The following TKTL1 variants were observed in gnomAD, a reference collection of about 807,000 sequenced individuals.
TKTL1 encodes the protein transketolase-like protein 1.
TKTL1 carries 1 observed loss-of-function variant against 39.3 expected under a neutral mutation model. That is an observed-to-expected ratio of 0.03 (90% CI 0.01 to 0.12). TKTL1 has a LOEUF of 0.12. Among genes scored for constraint, TKTL1 ranks in the 10% least tolerant of loss-of-function variants. The pLI, the probability that TKTL1 is intolerant of heterozygous loss-of-function variation, is 1.00. For synonymous variants in TKTL1, 262 were observed against 193.8 expected, an observed-to-expected ratio of 1.35 and a Z score of -2.92; for missense variants, 575 against 509.6, an observed-to-expected ratio of 1.13 and a Z score of -1.24.
chrX:154,329,863 T>G lies in TKTL1; in HGVS notation c.*175T>G. On this transcript the variant is annotated 3_prime_UTR_variant, in exon 13 of 13. Transcript: ENST00000369915. ...AACTACTTACCCTTTAAACTGTCACTGCATATGCAAGTACCGCTCTAATTT... is the reference window on the plus strand; with the variant it reads ...AACTACTTACCCTTTAAACTGTCACGGCATATGCAAGTACCGCTCTAATTT... 2.1e-6 allele frequency: 1 copy of G among 477,263 alleles called. No individual in the cohort carries two copies. Among genetic ancestry groups the G allele is most frequent in the Non-Finnish European group, 3.4e-6 (1 of 296,586 alleles). 39.3% of individuals were successfully genotyped at this position (477,263 alleles called of 1,213,427 possible).
At chrX:154,312,894 A>G (rs1459505854) in intron 6 of TKTL1, 121 bp downstream of exon 6, 2 of 664,742 alleles carry the variant, frequency 3.0e-6, no homozygotes, top group African/African-American at 2.2e-5. Flanking sequence ...ACCAATTACT[A>G]GAGTGACATG....
chrX:154,315,138 A>G (rs1217234608), intron 6 of TKTL1, 35 bp from the exon 7 acceptor site: 3 of 1,184,761 alleles, frequency 2.5e-6, no homozygotes, highest in Non-Finnish European at 3.4e-6. Flanking sequence ...ATGCATTTGA[A>G]GAAACTCTAC....
chrX:154,312,776 A>G lies in TKTL1; in HGVS notation c.864+3A>G. On this transcript the variant is annotated splice_donor_region_variant and intron_variant, in intron 6 of 12. Transcript: ENST00000369915. ...CTGATTACAGAGTTGGTGACAAGGTAGGCAGAAAGGTGGATAATTGAATAA... is the reference window on the plus strand; with the variant it reads ...CTGATTACAGAGTTGGTGACAAGGTGGGCAGAAAGGTGGATAATTGAATAA... 8.4e-7 allele frequency: 1 copy of G among 1,195,573 alleles called. No individual in the cohort carries two copies. Among genetic ancestry groups the G allele is most frequent in the Non-Finnish European group, 1.1e-6 (1 of 885,129 alleles).
chrX:154,318,470 C>A (rs1352666799), intron 7 of TKTL1, among the ~76,000 whole-genome samples: 17 of 105,932 alleles, frequency 1.6e-4, no homozygotes, highest in African/African-American at 5.9e-4. Flanking sequence ...GAGGCCGAGG[C>A]GGACGGATCA....
chrX:154,310,783 G>A, intron 3 of TKTL1, 53 bp from the exon 4 acceptor site: 1 of 1,070,877 alleles, frequency 9.3e-7, no homozygotes, highest in African/African-American at 1.8e-5. Flanking sequence ...CATTTGTTTG[G>A]TTGGCCCAGA....
chrX:154,312,908 C>T, intron 6 of TKTL1, 135 bp downstream of exon 6: 1 of 607,177 alleles, frequency 1.6e-6, no homozygotes, highest in Non-Finnish European at 2.5e-6. Flanking sequence ...TGACATGTAA[C>T]TAACAGTTCG....
At chrX:154,312,817 T>C (rs373427488) in intron 6 of TKTL1, 44 bp downstream of exon 6, 32 of 1,115,843 alleles carry the variant, frequency 2.9e-5, no homozygotes, top group Non-Finnish European at 3.6e-5. Context: ...ATACGTCAAC[T>C]GCTTTGTTCT....
intron 8 of TKTL1, 78 bp from the exon 9 acceptor site, chrX:154,323,129 T>A: frequency 1.7e-6 from 2 of 1,149,555 alleles, no homozygotes; most frequent in South Asian, 4.0e-5. Context: ...TAATTGCTTC[T>A]TCAGAGCTAG....
chrX:154,315,336 T>C lies in TKTL1; in HGVS notation c.1028T>C (p.Met343Thr), dbSNP rs782048391. The change falls in exon 7 of 13, where the codon ATG becomes ACG. Residue 343 changes from methionine to threonine, a missense_variant and splice_region_variant. Met to Thr is a moderately conservative substitution (Grantham distance 81). Transcript: ENST00000369915. The part of the protein sequence containing the change: ...FIECFMAEQN[M>T]VSVALGCASR... ...GAGTGCTTTATGGCTGAACAAAACA[T>C]GGTGAGTGTGTAGTGTCTCTCAGGG... 1.7e-6 allele frequency: 2 copies of C among 1,204,949 alleles called. No individual in the cohort carries two copies. Among genetic ancestry groups the C allele is most frequent in the Non-Finnish European group, 2.2e-6 (2 of 892,201 alleles).
intron 1 of TKTL1, among the ~76,000 whole-genome samples, chrX:154,298,003 G>GT (rs1220546389): frequency 9.0e-5 from 10 of 111,058 alleles, no homozygotes; most frequent in East Asian, 2.8e-4. Flanking sequence ...TTTATTGGGC[G>GT]TTTTTTTTAT....
chrX:154,315,487 A>T, intron 7 of TKTL1, 150 bp downstream of exon 7: 1 of 558,412 alleles, frequency 1.8e-6, no homozygotes, highest in Admixed American at 3.7e-5. Flanking sequence ...AGCCAGGTGG[A>T]GTCTGAGAGG....
intron 9 of TKTL1, 58 bp from the exon 10 acceptor site, chrX:154,325,281 T>C: frequency 9.3e-7 from 1 of 1,080,575 alleles, no homozygotes; most frequent in South Asian, 1.8e-5. Flanking sequence ...TCTTTCAACG[T>C]CTGTTGTTGG....
chrX:154,326,918 G>T (rs907616673), intron 10 of TKTL1, among the ~76,000 whole-genome samples: 2 of 112,152 alleles, frequency 1.8e-5, no homozygotes, highest in Non-Finnish European at 3.8e-5. Flanking sequence ...TTAAAGAATG[G>T]GGTGGCTCAG....
At chrX:154,310,200 T>C (rs1203235303) in intron 3 of TKTL1, among the ~76,000 whole-genome samples, 2 of 110,816 alleles carry the variant, frequency 1.8e-5, no homozygotes, top group Non-Finnish European at 3.8e-5. Context: ...CTCACGCCTG[T>C]AATCCCAGCA....
At chrX:154,302,310 A>AT (rs2067280073) in intron 1 of TKTL1, among the ~76,000 whole-genome samples, 1 of 111,503 alleles carries the variant, frequency 9.0e-6, no homozygotes, top group African/African-American at 3.3e-5. Flanking sequence ...CAAGGGTTGA[A>AT]TAGGGGCACC....
chrX:154,310,772 G>A (rs782463380), intron 3 of TKTL1, 64 bp from the exon 4 acceptor site: 457 of 987,513 alleles, frequency 4.6e-4, no homozygotes, highest in Admixed American at 1.3e-3. Context: ...CTCCTGAAAT[G>A]CATTTGTTTG....
chrX:154,324,013 G>A (rs1480664500), intron 9 of TKTL1, among the ~76,000 whole-genome samples: 1 of 112,758 alleles, frequency 8.9e-6, no homozygotes, highest in Non-Finnish European at 1.9e-5. Flanking sequence ...GTAACCCCTG[G>A]CACAGTCGGG....
intron 12 of TKTL1, among the ~76,000 whole-genome samples, chrX:154,328,243 T>C (rs782284722): frequency 9.1e-6 from 1 of 110,389 alleles, no homozygotes; most frequent in South Asian, 3.9e-4. Flanking sequence ...GGGTTTGGAA[T>C]GATGAATAGT....
chrX:154,312,897 G>A (rs1171046347), intron 6 of TKTL1, 124 bp downstream of exon 6: 1 of 653,015 alleles, frequency 1.5e-6, no homozygotes, highest in Non-Finnish European at 2.3e-6. Context: ...AATTACTAGA[G>A]TGACATGTAA....
Sources: allele counts gnomAD v4.1 joint callset (sites outside exome capture counted in the v4.1 genomes callset), GRCh38; gene constraint gnomAD v4.1.1; transcripts MANE v1.5; gene names NCBI Gene and HGNC (gene_info 2026-07-23, HGNC 2026-07-21).